The following DAW1 variants were observed in gnomAD, a reference collection of about 807,000 sequenced individuals.
The protein encoded by DAW1 is dynein assembly factor with WD repeat domains 1.
A neutral mutation model predicts 56.5 loss-of-function variants in DAW1; 47 were observed. The observed-to-expected ratio is 0.83, with a 90% CI of 0.66 to 1.06. The LOEUF (loss-of-function observed/expected upper bound fraction) is 1.06, where lower values mean the gene tolerates loss of function less well. Ranked by LOEUF, DAW1 falls within the 50% of genes least tolerant of loss-of-function variation. DAW1 has a pLI of 0.00. For synonymous variants in DAW1, 190 were observed against 179.0 expected (o/e 1.06, Z -0.49); for missense variants, 505 against 499.3 (o/e 1.01, Z -0.11).
intron 3 of DAW1, among the ~76,000 whole-genome samples, chr2:227,890,777 T>A (rs1433629924): frequency 6.6e-6 from 1 of 152,260 alleles, no homozygotes; most frequent in Non-Finnish European, 1.5e-5. Context: ...TGAAAGTAGA[T>A]GCTATTCATA....
chr2:227,913,992 C>A (rs1431549106), intron 10 of DAW1, among the ~76,000 whole-genome samples: 1 of 148,360 alleles, frequency 6.7e-6, no homozygotes, highest in Non-Finnish European at 1.5e-5. Flanking sequence ...ATCTGTATCT[C>A]TCTCTCTCTC....
intron 11 of DAW1, 50 bp downstream of exon 11, chr2:227,918,906 G>C (rs949226007): frequency 1.9e-6 from 3 of 1,579,488 alleles, no homozygotes; most frequent in South Asian, 2.2e-5. Context: ...AAAAAATAAA[G>C]AGCAGGGCCC....
At chr2:227,923,187 A>G (rs531092545) in intron 12 of DAW1, among the ~76,000 whole-genome samples, 3 of 152,216 alleles carry the variant, frequency 2.0e-5, no homozygotes, top group Non-Finnish European at 2.9e-5. Context: ...TTGGGGTGAC[A>G]CTTTTCTCTT....
chr2:227,920,115 T>C (rs1051732192), intron 11 of DAW1, among the ~76,000 whole-genome samples: 2 of 152,202 alleles, frequency 1.3e-5, no homozygotes, highest in Non-Finnish European at 2.9e-5. Context: ...TATTGAGACA[T>C]CTGTGTGTCT....
rs759259644 is a variant in DAW1, at chr2:227,921,497, T to C, written c.1149T>C (p.Leu383=). Residue 383 remains leucine, a synonymous_variant, in exon 12 of 13, where the codon CTT becomes CTC. Coordinates refer to ENST00000309931, the MANE Select transcript of DAW1 (RefSeq NM_178821.3). ...AGACTGGCCAGTGCCTCCAGGTTCT[T>C]GAGGGGCACACTGATGAAATCTTTT... The part of the protein sequence containing the change: ...DAQTGQCLQV[L]EGHTDEIFSC... 4.3e-6 allele frequency: 7 copies of C among 1,614,030 alleles called. No homozygotes were observed. Among genetic ancestry groups the C allele is most frequent in the Non-Finnish European group, 5.1e-6 (6 of 1,179,990 alleles).
intron 11 of DAW1, among the ~76,000 whole-genome samples, chr2:227,919,482 G>C (rs1347931686): frequency 6.6e-6 from 1 of 152,142 alleles, no homozygotes; most frequent in Non-Finnish European, 1.5e-5. Context: ...GCTTTTCCTG[G>C]TTCCGGTAAA....
At chr2:227,921,362 A>G in intron 11 of DAW1, 37 bp from the exon 12 acceptor site, 1 of 1,446,668 alleles carries the variant, frequency 6.9e-7, no homozygotes, top group Non-Finnish European at 9.2e-7. Flanking sequence ...GGGAACCATT[A>G]CACAAAGCTG....
intron 12 of DAW1, among the ~76,000 whole-genome samples, chr2:227,923,601 G>C (rs1692157673): frequency 6.6e-6 from 1 of 152,138 alleles, no homozygotes; most frequent in African/African-American, 2.4e-5. Flanking sequence ...ATTTCCACTG[G>C]GTGGTGATGT....
At chr2:227,876,605 T>A (rs1429909120) in intron 1 of DAW1, 1 of 864,386 alleles carries the variant, frequency 1.2e-6, no homozygotes, top group East Asian at 6.7e-5. Flanking sequence ...TGCCTCCTAA[T>A]CCTCTAATTT....
Position 227,906,333 on chromosome 2 carries a change from T to A in DAW1, c.853T>A (p.Cys285Ser). 1 of 1,606,548 alleles carries A rather than the reference T, an allele frequency of 6.2e-7. No individual in the cohort carries two copies. The highest frequency in any genetic ancestry group is 1.1e-5 in the South Asian group (1 of 89,974). ...ATTAACTGGCTCTATGGACAAAACCTGCAAGGTGAGCAAAATAAATAAATA... is the reference window on the plus strand; with the variant it reads ...ATTAACTGGCTCTATGGACAAAACCAGCAAGGTGAGCAAAATAAATAAATA... ...LILTGSMDKT[C>S]KLWDATNGKC... Residue 285 changes from cysteine to serine, a missense_variant, in exon 9 of 13, where the codon TGC (cysteine) becomes AGC (serine). By Grantham distance (112) the Cys-to-Ser change is moderately radical. Coordinates refer to ENST00000309931, the MANE Select transcript of DAW1 (RefSeq NM_178821.3).
At chr2:227,892,335 T>C (rs981068581) in intron 4 of DAW1, among the ~76,000 whole-genome samples, 10 of 152,010 alleles carry the variant, frequency 6.6e-5, no homozygotes, top group Admixed American at 5.2e-4. Context: ...GGTTTCTCCA[T>C]GTTGGTCAGG....
chr2:227,893,515 C>CA, intron 4 of DAW1, among the ~76,000 whole-genome samples: 3 of 150,910 alleles, frequency 2.0e-5, no homozygotes, highest in Middle Eastern at 6.8e-3. Context: ...AAAACACACA[C>CA]AAAAAATATA....
At chr2:227,898,753 A>T (rs971168225) in intron 6 of DAW1, among the ~76,000 whole-genome samples, 5 of 152,126 alleles carry the variant, frequency 3.3e-5, no homozygotes, top group African/African-American at 1.2e-4. Context: ...GTACCAATAC[A>T]ATTTAAAAAT....
At chr2:227,885,906 T>C (rs995439810) in intron 2 of DAW1, among the ~76,000 whole-genome samples, 2 of 152,056 alleles carry the variant, frequency 1.3e-5, no homozygotes, top group African/African-American at 2.4e-5. Flanking sequence ...TCCTTAAGCT[T>C]CCTTAAGCTG....
rs1394493849 is a variant in DAW1 at position 227,918,231 on chromosome 2, T to C, written c.974-549T>C. On this transcript the variant is annotated intron_variant, in intron 10 of 12. Coordinates refer to ENST00000309931, the MANE Select transcript of DAW1 (RefSeq NM_178821.3). ...TCCATCCATCCATCCATACTACAGC[T>C]ATTTATTGAATGGCTAATATATGCT... is the stretch of plus-strand genomic sequence containing the variant. Among the ~76,000 whole-genome samples the C allele has an allele frequency of 2.7e-4, 30 of 111,250 alleles. No homozygotes were observed. In the Admixed American group the frequency reaches 2.7e-3, roughly 10 times the overall value. The allele number at this position is 111,250 out of a possible 152,430, so 73.0% of individuals were successfully genotyped here.
Sources: allele counts gnomAD v4.1 joint callset (sites outside exome capture counted in the v4.1 genomes callset), GRCh38; gene constraint gnomAD v4.1.1; transcripts MANE v1.5; gene names NCBI Gene and HGNC (gene_info 2026-07-23, HGNC 2026-07-21).